Variants in CD4 observed in about 807,000 individuals in gnomAD.
CD4 encodes the protein T-cell surface glycoprotein CD4.
Under a neutral mutation model 50.5 loss-of-function variants are expected in CD4, and 25 were observed. The observed-to-expected ratio is 0.49, with a 90% CI of 0.36 to 0.69. The LOEUF (loss-of-function observed/expected upper bound fraction) is 0.69. Among genes scored for constraint, CD4 ranks in the 30% least tolerant of loss-of-function variants. The probability of loss-of-function intolerance (pLI) is 0.00; values close to 1 mark genes in which losing one functional copy is unlikely to be tolerated. For synonymous variants in CD4, 207 were observed against 221.9 expected, an observed-to-expected ratio of 0.93 and a Z score of 0.60; for missense variants, 456 against 548.5, an observed-to-expected ratio of 0.83 and a Z score of 1.68.
chr12:6,808,871 G>GT (rs1222139058), intron 3 of CD4, among the ~76,000 whole-genome samples: 11 of 152,268 alleles, frequency 7.2e-5, no homozygotes, highest in Admixed American at 7.2e-4. Flanking sequence ...TGTCAGCACT[G>GT]AGTAGTATTA....
intron 1 of CD4, among the ~76,000 whole-genome samples, chr12:6,797,760 G>A (rs1198145105): frequency 1.3e-5 from 2 of 152,198 alleles, no homozygotes; most frequent in Non-Finnish European, 2.9e-5. Context: ...TCTCAGTGTA[G>A]TAAAGAGTAA....
rs1294677204 is a variant in CD4, at chr12:6,818,161, ACACACACATGCACT to A, written c.1157-251_1157-238del. Among the ~76,000 whole-genome samples the A allele has an allele frequency of 2.0e-5, 3 of 152,146 alleles. No individual in the cohort carries two copies. Among genetic ancestry groups the A allele is most frequent in the Non-Finnish European group, 4.4e-5 (3 of 67,968 alleles). ...CACACATGCACACACTCACACATGC[ACACACACATGCACT>A]CACACACACAGCCCAGGAGCCAGAC... On this transcript the variant is annotated intron_variant, in intron 7 of 9. Transcript: ENST00000011653. The surrounding 1 kb of genome is among the most constrained non-coding windows in gnomAD (Gnocchi z 5.0).
Position 6,816,429 on chromosome 12 carries a change from G to T in CD4, c.955+26G>T, listed in dbSNP as rs201572102. 319 of 1,566,896 alleles carry T rather than the reference G, an allele frequency of 2.0e-4. No homozygotes were observed. Among genetic ancestry groups the T allele is most frequent in the Middle Eastern group, 3.4e-4 (2 of 5,920 alleles). On this transcript the variant is annotated intron_variant, in intron 6 of 9. Transcript: ENST00000011653. This position sits in a 1 kb window ranked among gnomAD's most constrained non-coding sequence, Gnocchi z 4.9. Reference sequence around the variant, plus strand: ...GTGAGGGGCCAGGCCAGGGAGGGGTGGGCAGGGGAAGGAGTTGGAGGGGCC... The same window carrying T: ...GTGAGGGGCCAGGCCAGGGAGGGGTTGGCAGGGGAAGGAGTTGGAGGGGCC...
At chr12:6,794,114 C>G (rs1246523581) in intron 1 of CD4, among the ~76,000 whole-genome samples, 1 of 151,508 alleles carries the variant, frequency 6.6e-6, no homozygotes, top group Non-Finnish European at 1.5e-5. Flanking sequence ...ACTCTGTCAC[C>G]CAGGCTGGAG....
intron 3 of CD4, among the ~76,000 whole-genome samples, chr12:6,806,152 T>A (rs1555116131): frequency 6.0e-5 from 5 of 82,844 alleles, no homozygotes; most frequent in Admixed American, 1.1e-4. Flanking sequence ...AAAAAAAAGG[T>A]ACATACACAC....
chr12:6,803,243 T>G (rs1297609741), intron 3 of CD4, among the ~76,000 whole-genome samples: 1 of 152,040 alleles, frequency 6.6e-6, no homozygotes, highest in African/African-American at 2.4e-5. Flanking sequence ...CTCCACCTCC[T>G]GGGTTCAAGT....
chr12:6,810,938 C>T (rs1227594220), intron 3 of CD4, among the ~76,000 whole-genome samples: 5 of 152,022 alleles, frequency 3.3e-5, no homozygotes, highest in Non-Finnish European at 4.4e-5. Context: ...TGGGTGCCTG[C>T]CGTGCTCTGA....
chr12:6,795,799 C>T (rs180695338), intron 1 of CD4, among the ~76,000 whole-genome samples: 2 of 152,264 alleles, frequency 1.3e-5, no homozygotes, highest in East Asian at 3.9e-4. Context: ...AGCTTCTTTC[C>T]CCCACCCTTC....
At position 6,819,065 on chromosome 12, in the gene CD4, G is replaced by A. The variant is rs1943200502; in HGVS notation, c.1346+151G>A. On this transcript the variant is annotated intron_variant, in intron 9 of 9. Coordinates refer to ENST00000011653, the MANE Select transcript of CD4 (RefSeq NM_000616.5). ...AGGAAGAGCTGGGAGGGGTGGAGGT[G>A]AGGAGATGGGGGCTAAAGGGGTGTG... 24 of 705,724 alleles carry A rather than the reference G, an allele frequency of 3.4e-5. No homozygotes were observed. In the South Asian group the frequency reaches 4.0e-4, roughly 12 times the overall value. 43.7% of individuals were successfully genotyped at this position (705,724 alleles called of 1,614,324 possible).
In CD4 at chr12:6,818,582, C is replaced by T. The variant is rs781963263; in HGVS notation, c.1278+40C>T. The stretch of plus-strand genomic sequence containing the variant: ...ACCTGGTCCCCACAAGGCCCTCAAA[C>T]CCCTGAGTCCTCTACCAGGAGATCC... On this transcript the variant is annotated intron_variant, in intron 8 of 9. Coordinates refer to ENST00000011653, the MANE Select transcript of CD4 (RefSeq NM_000616.5). This position sits in a 1 kb window ranked among gnomAD's most constrained non-coding sequence, Gnocchi z 5.0. The T allele has an allele frequency of 4.3e-6, 7 of 1,610,478 alleles. No individual in the cohort carries two copies. Among genetic ancestry groups the T allele is most frequent in the Non-Finnish European group, 4.2e-6 (5 of 1,179,422 alleles).
chr12:6,793,660 CT>C (rs777977058), intron 1 of CD4, among the ~76,000 whole-genome samples: 4 of 65,896 alleles, frequency 6.1e-5, no homozygotes, highest in African/African-American at 2.2e-4. Context: ...ATCTATCTAT[CT>C]ATCTATCTAT....
chr12:6,816,177 G>C lies in CD4; in HGVS notation c.729G>C (p.Glu243Asp). 6.2e-7 allele frequency: 1 copy of C among 1,614,150 alleles called. No individual in the cohort carries two copies. The highest frequency in any genetic ancestry group is 8.5e-7 in the Non-Finnish European group (1 of 1,180,032). Residue 243 changes from glutamate (E) to aspartate (D), a missense_variant, in exon 6 of 10, where the codon GAG becomes GAC. Physicochemically the swap from Glu to Asp is conservative, Grantham distance 45. Transcript: ENST00000011653. The surrounding 1 kb of genome is among the most constrained non-coding windows in gnomAD (Gnocchi z 4.9). Reference protein sequence around the residue: ...TGSGELWWQAERASSSKSWIT... With the variant: ...TGSGELWWQADRASSSKSWIT... Reference sequence around the variant, plus strand: ...GTGGCGAGCTGTGGTGGCAGGCGGAGAGGGCTTCCTCCTCCAAGTCTTGGA... The same window carrying C: ...GTGGCGAGCTGTGGTGGCAGGCGGACAGGGCTTCCTCCTCCAAGTCTTGGA...
chr12:6,804,609 A>C (rs1414163377), intron 3 of CD4, among the ~76,000 whole-genome samples: 1 of 152,214 alleles, frequency 6.6e-6, no homozygotes, highest in African/African-American at 2.4e-5. Flanking sequence ...ATGGTGGCTC[A>C]CACCTGTAAT....
chr12:6,790,197 G>T (rs1243732495), intron 1 of CD4, among the ~76,000 whole-genome samples: 2 of 25,394 alleles, frequency 7.9e-5, no homozygotes, highest in African/African-American at 1.8e-4. Flanking sequence ...GAAAATTCTT[G>T]CAAAACCAAT....
intron 1 of CD4, chr12:6,798,953 GT>G (rs1942457585): frequency 6.6e-6 from 1 of 152,274 alleles, no homozygotes; most frequent in Admixed American, 6.5e-5. Flanking sequence ...GCATTTCCAC[GT>G]CCTGGCCTGG....
rs782716383 is a variant in CD4 at position 6,818,878 on chromosome 12, G to C, written c.1310G>C (p.Arg437Thr). ...RQAERMSQIK[R>T]LLSEKKTCQC... Reference sequence around the variant, plus strand: ...GCAGAGCGGATGTCTCAGATCAAGAGACTCCTCAGTGAGAAGAAGACCTGC... The same window carrying C: ...GCAGAGCGGATGTCTCAGATCAAGACACTCCTCAGTGAGAAGAAGACCTGC... Residue 437 changes from arginine to threonine, a missense_variant, in exon 9 of 10, where the codon AGA becomes ACA. Coordinates refer to ENST00000011653, the MANE Select transcript of CD4 (RefSeq NM_000616.5). This position sits in a 1 kb window ranked among gnomAD's most constrained non-coding sequence, Gnocchi z 5.0. 6.2e-7 allele frequency: 1 copy of C among 1,603,680 alleles called. No homozygotes were observed. Among genetic ancestry groups the C allele is most frequent in the Non-Finnish European group, 8.5e-7 (1 of 1,174,050 alleles).
Position 6,819,632 on chromosome 12 carries a change from T to C in CD4, c.*303T>C. On this transcript the variant is annotated 3_prime_UTR_variant, in exon 10 of 10. Transcript: ENST00000011653. Reference sequence around the variant, plus strand: ...GCTCATTTGGATCCCAGGGGAGTGTTCAGGGCCAGCCCTGGCTGGCATGGA... The same window carrying C: ...GCTCATTTGGATCCCAGGGGAGTGTCCAGGGCCAGCCCTGGCTGGCATGGA... 2.3e-6 allele frequency: 1 copy of C among 439,420 alleles called. No homozygotes were observed. The highest frequency in any genetic ancestry group is 4.2e-6 in the Non-Finnish European group (1 of 240,508). The allele number at this position is 439,420 out of a possible 1,614,324, so 27.2% of individuals were successfully genotyped here.
In CD4 at chr12:6,792,026, C is replaced by T. The variant is rs1371519784; in HGVS notation, c.-68+2364C>T. On this transcript the variant is annotated intron_variant, in intron 1 of 9. Transcript: ENST00000011653. The surrounding 1 kb of genome is among the most constrained non-coding windows in gnomAD (Gnocchi z 4.1). The stretch of plus-strand genomic sequence containing the variant: ...GTTCCCCCGATGTGGGTGTCTGAGG[C>T]GAAGAAGAGGATGGCGGAGGTTGCA... Among the ~76,000 whole-genome samples the T allele has an allele frequency of 3.3e-5, 5 of 152,044 alleles. No individual in the cohort carries two copies. The highest frequency in any genetic ancestry group is 7.2e-5 in the African/African-American group (3 of 41,390).
chr12:6,813,226 T>A (rs1477673523), intron 3 of CD4, among the ~76,000 whole-genome samples: 2 of 151,486 alleles, frequency 1.3e-5, no homozygotes, highest in South Asian at 2.1e-4. Context: ...AAAAATTTTT[T>A]TTTTTTTTTT....
Sources: gnomAD v4.1 joint callset for allele counts (sites outside exome capture counted in the v4.1 genomes callset) on GRCh38, gnomAD v4.1.1 for gene constraint, Gnocchi (gnomAD v3.1) non-coding constraint, MANE v1.5 for transcripts, NCBI Gene and HGNC (gene_info 2026-07-23, HGNC 2026-07-21) for gene names.